Variants in COL21A1 observed in about 807,000 individuals in gnomAD.
COL21A1 encodes collagen alpha-1(XXI) chain.
Under a neutral mutation model 137.9 loss-of-function variants are expected in COL21A1, and 149 were observed. The observed-to-expected ratio is 1.08, with a 90% CI of 0.95 to 1.24. The LOEUF is 1.24. Ranked by LOEUF, COL21A1 falls within the 50% of genes most tolerant of loss-of-function variation. The probability of loss-of-function intolerance (pLI) is 0.00; values close to 1 mark genes in which losing one functional copy is unlikely to be tolerated. For missense variants in COL21A1, 1,167 were observed against 1,158.4 expected, an observed-to-expected ratio of 1.01 and a Z score of -0.11; for synonymous variants, 456 against 391.5, an observed-to-expected ratio of 1.16 and a Z score of -1.95.
At chr6:56,174,498 A>G (rs1192728450) in intron 3 of COL21A1, among the ~76,000 whole-genome samples, 2 of 152,112 alleles carry the variant, frequency 1.3e-5, no homozygotes, top group African/African-American at 4.8e-5. Flanking sequence ...TGCCACAGAA[A>G]TAAAAAGGAT....
intron 1 of COL21A1, among the ~76,000 whole-genome samples, chr6:56,285,774 G>T (rs1446162884): frequency 6.6e-6 from 1 of 151,656 alleles, no homozygotes; most frequent in African/African-American, 2.4e-5. Flanking sequence ...CCAGGACCCT[G>T]CTAACCCCTC....
At chr6:56,057,928 GAA>G in intron 29 of COL21A1, 84 bp from the exon 30 acceptor site, 3 of 812,030 alleles carry the variant, frequency 3.7e-6, no homozygotes, top group Middle Eastern at 3.4e-4. Flanking sequence ...AACTTAAACT[GAA>G]AAAAAAAACC....
intron 10 of COL21A1, among the ~76,000 whole-genome samples, chr6:56,142,537 T>G (rs1271527898): frequency 6.6e-6 from 1 of 152,292 alleles, no homozygotes; most frequent in East Asian, 1.9e-4. Flanking sequence ...GGGAGGGGGA[T>G]GAGAGAAGTC....
intron 10 of COL21A1, among the ~76,000 whole-genome samples, chr6:56,155,758 G>A (rs1775694481): frequency 6.6e-6 from 1 of 152,096 alleles, no homozygotes; most frequent in African/African-American, 2.4e-5. Flanking sequence ...ACCACACCCA[G>A]CTAATTTTTG....
intron 9 of COL21A1, among the ~76,000 whole-genome samples, chr6:56,161,667 A>G (rs1776216444): frequency 6.6e-6 from 1 of 152,188 alleles, no homozygotes; most frequent in Admixed American, 6.5e-5. Context: ...TATGTTTATC[A>G]TTAGGGATAA....
intron 1 of COL21A1, among the ~76,000 whole-genome samples, chr6:56,292,390 G>GT (rs1304237080): frequency 1.1e-5 from 1 of 92,542 alleles, no homozygotes; most frequent in African/African-American, 3.1e-5. Flanking sequence ...ACAAAACAGG[G>GT]ACCCCCCCCC....
intron 20 of COL21A1, among the ~76,000 whole-genome samples, chr6:56,072,040 T>C (rs1766801766): frequency 6.6e-6 from 1 of 151,640 alleles, no homozygotes; most frequent in African/African-American, 2.4e-5. Context: ...TTCTGATTGT[T>C]CAGCTCCCAC....
intron 1 of COL21A1, among the ~76,000 whole-genome samples, chr6:56,189,701 G>A (rs1218041680): frequency 1.3e-5 from 2 of 152,128 alleles, no homozygotes; most frequent in East Asian, 3.9e-4. Flanking sequence ...AGAAAAAAAT[G>A]TTAAGGGCAG....
chr6:56,374,120 T>G (rs771565279), intron 1 of COL21A1, among the ~76,000 whole-genome samples: 22 of 152,202 alleles, frequency 1.4e-4, no homozygotes, highest in African/African-American at 5.1e-4. Context: ...CCAGACATGT[T>G]GCTAGAGGAA....
At chr6:56,067,011 T>G (rs1270801785) in intron 23 of COL21A1, among the ~76,000 whole-genome samples, 1 of 148,046 alleles carries the variant, frequency 6.8e-6, no homozygotes, top group Admixed American at 6.8e-5. Context: ...GGTATATATA[T>G]ATATGTATAT....
rs774826764 is a variant in COL21A1 at position 56,060,887 on chromosome 6, A to T, written c.2352+4T>A. On this transcript the variant is annotated splice_donor_region_variant and intron_variant, in intron 26 of 29. Coordinates refer to ENST00000244728, the MANE Select transcript of COL21A1 (RefSeq NM_030820.4). ...AATAACTGTGAAAGAAGCAGAATAC[A>T]TACGGGCTTCCCATCCAAACCTGGG... 1 of 1,583,894 alleles carries T rather than the reference A, an allele frequency of 6.3e-7. No individual in the cohort carries two copies. Among genetic ancestry groups the T allele is most frequent in the East Asian group, 2.3e-5 (1 of 43,800 alleles).
intron 17 of COL21A1, among the ~76,000 whole-genome samples, chr6:56,083,452 T>C (rs1483785102): frequency 1.3e-5 from 2 of 151,978 alleles, no homozygotes; most frequent in African/African-American, 4.8e-5. Context: ...CATGATCAGA[T>C]TGGGCCTCCT....
intron 16 of COL21A1, among the ~76,000 whole-genome samples, chr6:56,113,111 A>G (rs1032504781): frequency 2.0e-5 from 3 of 152,196 alleles, no homozygotes; most frequent in Non-Finnish European, 2.9e-5. Context: ...CTTGAAAGGG[A>G]GCCTAGGCCA....
intron 16 of COL21A1, among the ~76,000 whole-genome samples, chr6:56,114,062 A>G (rs1561878130): frequency 1.3e-5 from 2 of 152,268 alleles, no homozygotes; most frequent in Admixed American, 1.3e-4. Flanking sequence ...TATACCAGGT[A>G]GACATCTAAG....
At chr6:56,224,200 T>C (rs1781050801) in intron 1 of COL21A1, among the ~76,000 whole-genome samples, 1 of 152,090 alleles carries the variant, frequency 6.6e-6, no homozygotes, top group South Asian at 2.1e-4. Context: ...AAGCAACCAA[T>C]GCAAACATGA....
At position 56,166,934 on chromosome 6, in the gene COL21A1, C is replaced by T. The variant is rs776563371; in HGVS notation, c.1250G>A (p.Arg417Gln). ...RIYCDPEQNN[R>Q]ETACEIPGFN... ...TCCAGGAATCTCACATGCTGTCTCCCGGTTGTTCTGTTCTGGGTCACAGTA... is the reference window on the plus strand; with the variant it reads ...TCCAGGAATCTCACATGCTGTCTCCTGGTTGTTCTGTTCTGGGTCACAGTA... The change falls in exon 7 of 30, where the codon CGG becomes CAG. Residue 417 changes from arginine to glutamine, a missense_variant. By Grantham distance (43) the Arg-to-Gln change is conservative. Coordinates refer to ENST00000244728, the MANE Select transcript of COL21A1 (RefSeq NM_030820.4). 8 of 1,612,692 alleles carry T rather than the reference C, an allele frequency of 5.0e-6. No individual in the cohort carries two copies. Among genetic ancestry groups the T allele is most frequent in the South Asian group, 3.3e-5 (3 of 90,704 alleles).
chr6:56,260,281 A>G (rs1582738623), intron 1 of COL21A1, among the ~76,000 whole-genome samples: 1 of 152,118 alleles, frequency 6.6e-6, no homozygotes. Context: ...CTATTATATT[A>G]TTACAGAAAA....
intron 2 of COL21A1, among the ~76,000 whole-genome samples, chr6:56,181,093 T>C (rs1432987500): frequency 6.6e-6 from 1 of 152,208 alleles, no homozygotes; most frequent in East Asian, 1.9e-4. Flanking sequence ...AGTCAAGAAG[T>C]TCCAAAAATA....
intron 1 of COL21A1, among the ~76,000 whole-genome samples, chr6:56,184,876 T>C (rs1461722843): frequency 6.6e-6 from 1 of 152,208 alleles, no homozygotes; most frequent in Non-Finnish European, 1.5e-5. Context: ...CTATTTCACC[T>C]GTCCACTTAT....
Sources: allele counts gnomAD v4.1 joint callset (sites outside exome capture counted in the v4.1 genomes callset), GRCh38; gene constraint gnomAD v4.1.1; transcripts MANE v1.5; gene names NCBI Gene and HGNC (gene_info 2026-07-23, HGNC 2026-07-21).